SEL1L3: variants seen among roughly 807,000 people sequenced by gnomAD.
SEL1L3 encodes the protein SEL1L family member 3.
In SEL1L3, 76 loss-of-function variants were observed where a neutral mutation model predicts 142.8. The observed-to-expected ratio is 0.53, with a 90% CI of 0.44 to 0.64. The LOEUF (loss-of-function observed/expected upper bound fraction) is 0.64. Ranked by LOEUF, SEL1L3 falls within the 30% of genes least tolerant of loss-of-function variation. SEL1L3 has a pLI of 0.00. For synonymous variants in SEL1L3, 504 were observed against 519.6 expected (o/e 0.97, Z 0.41); for missense variants, 1,262 against 1,381.7 (o/e 0.91, Z 1.37).
At chr4:25,813,700 G>T (rs1465917034) in intron 9 of SEL1L3, among the ~76,000 whole-genome samples, 1 of 152,184 alleles carries the variant, frequency 6.6e-6, no homozygotes, top group East Asian at 1.9e-4. Flanking sequence ...GGCAAATTTT[G>T]TTATGTGTAT....
chr4:25,859,175 G>A (rs554835204), intron 1 of SEL1L3, among the ~76,000 whole-genome samples: 61 of 152,338 alleles, frequency 4.0e-4, no homozygotes, highest in African/African-American at 1.4e-3. Context: ...AAGAAGGCCC[G>A]TTGGGCAGGG....
the SEL1L3 span, among the ~76,000 whole-genome samples, chr4:25,729,034 GT>G: frequency 0.17 from 25,193 of 151,004 alleles, 2,942 homozygotes; most frequent in African/African-American, 0.34. Context: ...GTCACCAGAC[GT>G]TTTTTTTTCC....
intron 23 of SEL1L3, chr4:25,755,946 T>C (rs1310583092): frequency 2.0e-6 from 2 of 985,380 alleles, no homozygotes; most frequent in Non-Finnish European, 2.4e-6. Context: ...AGAATTTGCA[T>C]GAGTGAAGTT....
chr4:25,736,408 G>A, the SEL1L3 span, among the ~76,000 whole-genome samples: 5 of 151,702 alleles, frequency 3.3e-5, no homozygotes, highest in African/African-American at 4.8e-5. Flanking sequence ...ATTTTTAGGA[G>A]AGACAGGGTT....
At chr4:25,853,664 C>CTTT (rs34922528) in intron 1 of SEL1L3, among the ~76,000 whole-genome samples, 170 of 83,040 alleles carry the variant, frequency 2.0e-3, no homozygotes, top group East Asian at 3.2e-3. Context: ...CTCTTCTTAC[C>CTTT]TTTTTTTTTT....
chr4:25,783,970 C>A (rs1466952844), intron 14 of SEL1L3, among the ~76,000 whole-genome samples: 1 of 152,144 alleles, frequency 6.6e-6, no homozygotes, highest in African/African-American at 2.4e-5. Flanking sequence ...ACAAAATCAA[C>A]CCGAATGCTA....
rs73115725 is a variant in SEL1L3, at chr4:25,804,306, G to A, written c.1776+235C>T. On this transcript the variant is annotated intron_variant, in intron 10 of 23. Transcript: ENST00000399878. ...AAGCACTGACACTGTTCCTTAGCTG[G>A]TACACCAATCATCCCCCCAAGGCCT... Among the ~76,000 whole-genome samples, 220 of 152,254 alleles carry A rather than the reference G, an allele frequency of 1.4e-3. 1 individual carries two copies. Among genetic ancestry groups the A allele is most frequent in the African/African-American group, 4.6e-3 (193 of 41,556 alleles).
At chr4:25,853,030 G>T (rs1225517068) in intron 1 of SEL1L3, among the ~76,000 whole-genome samples, 3 of 152,236 alleles carry the variant, frequency 2.0e-5, no homozygotes, top group Non-Finnish European at 2.9e-5. Context: ...AGCACCCTGA[G>T]TGTGGTTTCA....
At chr4:25,757,468 A>G in intron 23 of SEL1L3, 66 bp downstream of exon 23, 13 of 976,866 alleles carry the variant, frequency 1.3e-5, no homozygotes, top group Non-Finnish European at 1.9e-5. Context: ...AAAAAAAAAA[A>G]AAAAAAAAAA....
the SEL1L3 span, among the ~76,000 whole-genome samples, chr4:25,741,793 T>C: frequency 6.6e-6 from 1 of 151,060 alleles, no homozygotes; most frequent in African/African-American, 2.4e-5. Context: ...TCTTCTTACA[T>C]TTTCTTTGAT....
At chr4:25,766,464 T>C (rs1231301085) in intron 19 of SEL1L3, among the ~76,000 whole-genome samples, 1 of 147,662 alleles carries the variant, frequency 6.8e-6, no homozygotes, top group East Asian at 2.0e-4. Flanking sequence ...AAAGGGTGTA[T>C]GTATTAGTCA....
intron 9 of SEL1L3, among the ~76,000 whole-genome samples, chr4:25,809,690 G>A (rs940995639): frequency 1.3e-5 from 2 of 151,654 alleles, no homozygotes; most frequent in Non-Finnish European, 2.9e-5. Flanking sequence ...GTTATTCTCT[G>A]AGCAAGAAAA....
the SEL1L3 span, among the ~76,000 whole-genome samples, chr4:25,733,151 A>G: frequency 6.6e-6 from 1 of 152,164 alleles, no homozygotes; most frequent in Non-Finnish European, 1.5e-5. Context: ...AACTTCTACA[A>G]AATAGAAAAA....
At chr4:25,730,372 T>C in the SEL1L3 span, among the ~76,000 whole-genome samples, 1 of 152,156 alleles carries the variant, frequency 6.6e-6, no homozygotes, top group East Asian at 1.9e-4. Context: ...GAGCATCTTC[T>C]GGATATCGAT....
At chr4:25,721,363 A>C in the SEL1L3 span, among the ~76,000 whole-genome samples, 45 of 152,170 alleles carry the variant, frequency 3.0e-4, no homozygotes, top group African/African-American at 1.1e-3. Flanking sequence ...TCCTCCAGCA[A>C]TGTGGGGCCA....
At chr4:25,729,780 C>T in the SEL1L3 span, among the ~76,000 whole-genome samples, 1 of 152,192 alleles carries the variant, frequency 6.6e-6, no homozygotes, top group Non-Finnish European at 1.5e-5. Flanking sequence ...GTCCACCCTT[C>T]CTCTGGTGAC....
downstream of SEL1L3, among the ~76,000 whole-genome samples, chr4:25,745,974 A>G (rs1334455168): frequency 6.6e-6 from 1 of 152,244 alleles, no homozygotes; most frequent in Non-Finnish European, 1.5e-5. Flanking sequence ...TTCTTATGTT[A>G]TAAAAATAAT....
At position 25,748,459 on chromosome 4, in the gene SEL1L3, G is replaced by A. The variant is rs775253957; in HGVS notation, c.3365C>T (p.Pro1122Leu). 1.9e-6 allele frequency: 3 copies of A among 1,611,850 alleles called. No homozygotes were observed. The highest frequency in any genetic ancestry group is 2.2e-5 in the East Asian group (1 of 44,844). The change falls in exon 24 of 24, where the codon CCC (proline) becomes CTC (leucine). Residue 1122 changes from proline (P) to leucine (L), a missense_variant. Physicochemically the swap from Pro to Leu is moderately conservative, Grantham distance 98 (BLOSUM62 -3). Transcript: ENST00000399878. ...PAADASDQDQ[P>L]TVTNNPEPRG ...TGGCTCCGGGTTATTAGTTACTGTG[G>A]GCTGGTCTTGGTCAGAGGCATCTGC...
chr4:25,723,300 T>C, the SEL1L3 span, among the ~76,000 whole-genome samples: 1 of 152,190 alleles, frequency 6.6e-6, no homozygotes. Flanking sequence ...TTTTCTAAGA[T>C]GGAGTTACTT....
Sources: allele counts gnomAD v4.1 joint callset (sites outside exome capture counted in the v4.1 genomes callset), GRCh38; gene constraint gnomAD v4.1.1; transcripts MANE v1.5; gene names NCBI Gene and HGNC (gene_info 2026-07-23, HGNC 2026-07-21).